PIK3R3: variants seen among roughly 807,000 people sequenced by gnomAD.
PIK3R3 encodes the protein phosphoinositide-3-kinase regulatory subunit 3.
In PIK3R3, 64 loss-of-function variants were observed where a neutral mutation model predicts 62.9. That is an observed-to-expected ratio of 1.02 (90% CI 0.83 to 1.25). PIK3R3 has a LOEUF of 1.25. Ranked by LOEUF, PIK3R3 falls within the 50% of genes most tolerant of loss-of-function variation. PIK3R3 has a pLI of 0.00. For synonymous variants in PIK3R3, 165 were observed against 189.0 expected, an observed-to-expected ratio of 0.87 and a Z score of 1.04; for missense variants, 614 against 561.6, an observed-to-expected ratio of 1.09 and a Z score of -0.94.
Position 46,042,109 on chromosome 1 carries a change from TC to T in PIK3R3, c.*1563del, listed in dbSNP as rs1237574068. On this transcript the variant is annotated 3_prime_UTR_variant, in exon 10 of 10. Coordinates refer to ENST00000262741, the MANE Select transcript of PIK3R3 (RefSeq NM_003629.4). This position sits in a 1 kb window ranked among gnomAD's most constrained non-coding sequence, Gnocchi z 4.3. ...CTGACTCACTCTGAGCCTATTATGG[TC>T]CCAGGATTGGCTCAGAGGCAGCTGG... 5 of 221,376 alleles carry T rather than the reference TC, an allele frequency of 2.3e-5. No homozygotes were observed. The highest frequency in any genetic ancestry group is 1.7e-4 in the Admixed American group (3 of 17,332). The allele number at this position is 221,376 out of a possible 1,614,324, so 13.7% of individuals were successfully genotyped here.
At chr1:46,132,855 C>T, upstream of PIK3R3, 1 of 1,204,220 alleles carries the variant, frequency 8.3e-7, no homozygotes, top group South Asian at 1.5e-5. Flanking sequence ...GTCTCCCCAC[C>T]GCTCTCTAGG....
At chr1:46,128,694 G>T (rs758719208) in intron 1 of PIK3R3, among the ~76,000 whole-genome samples, 2 of 152,212 alleles carry the variant, frequency 1.3e-5, no homozygotes, top group Non-Finnish European at 2.9e-5. Flanking sequence ...AGCAGCTCAT[G>T]ACCAGGTGGG....
chr1:46,148,056 AT>A, the PIK3R3 span, among the ~76,000 whole-genome samples: 2 of 152,212 alleles, frequency 1.3e-5, no homozygotes, highest in African/African-American at 4.8e-5. Flanking sequence ...AACATTATGA[AT>A]GCTTCTAATT....
At chr1:46,129,937 C>CT (rs1655430817) in intron 1 of PIK3R3, among the ~76,000 whole-genome samples, 1 of 152,146 alleles carries the variant, frequency 6.6e-6, no homozygotes, top group African/African-American at 2.4e-5. Flanking sequence ...ACATTTTAAA[C>CT]TCAAATGTTT....
chr1:46,160,675 A>G, the PIK3R3 span, among the ~76,000 whole-genome samples: 1 of 152,254 alleles, frequency 6.6e-6, no homozygotes, highest in South Asian at 2.1e-4. Flanking sequence ...TCAGTCCTCT[A>G]TCCTTAATCC....
chr1:46,092,137 A>T (rs1219800743), intron 1 of PIK3R3, among the ~76,000 whole-genome samples: 2 of 152,246 alleles, frequency 1.3e-5, no homozygotes, highest in East Asian at 3.8e-4. Context: ...ACCAAAGAGT[A>T]TAAACTTTAC....
At chr1:46,132,835 C>A, upstream of PIK3R3, 5 of 1,213,404 alleles carry the variant, frequency 4.1e-6, no homozygotes, top group South Asian at 7.2e-5. Context: ...CTCTCCATCT[C>A]GACTTTCACG....
At position 46,062,383 on chromosome 1, in the gene PIK3R3, T is replaced by A. The variant is rs778238288; in HGVS notation, c.622-312A>T. Among the ~76,000 whole-genome samples, 42 of 151,956 alleles carry A rather than the reference T, an allele frequency of 2.8e-4. 1 individual carries two copies. In the Middle Eastern group the frequency reaches 0.034, roughly 123 times the overall value. ...TTGAGGTCAGGAGTTCAAGACAGCCTGGCCAACATGGCAAAACCCCGTCTC... is the reference window on the plus strand; with the variant it reads ...TTGAGGTCAGGAGTTCAAGACAGCCAGGCCAACATGGCAAAACCCCGTCTC... On this transcript the variant is annotated intron_variant, in intron 5 of 9. Coordinates refer to ENST00000262741, the MANE Select transcript of PIK3R3 (RefSeq NM_003629.4).
intron 1 of PIK3R3, among the ~76,000 whole-genome samples, chr1:46,088,486 T>C (rs1651302796): frequency 6.6e-6 from 1 of 152,010 alleles, no homozygotes; most frequent in South Asian, 2.1e-4. Context: ...ACAAGATCTA[T>C]ATCAAAGTAA....
Position 46,042,426 on chromosome 1 carries a change from TGTATGGAA to T in PIK3R3, c.*1239_*1246del, listed in dbSNP as rs1647013778. On this transcript the variant is annotated 3_prime_UTR_variant, in exon 10 of 10. Transcript: ENST00000262741. The surrounding 1 kb of genome is among the most constrained non-coding windows in gnomAD (Gnocchi z 4.3). Reference sequence around the variant, plus strand: ...TCCCTGCAAAAGCTTCAGAAACCACTGTATGGAAGCACATGTGTAATGTGGTGTGACTC... The same window carrying T: ...TCCCTGCAAAAGCTTCAGAAACCACTGCACATGTGTAATGTGGTGTGACTC... The T allele has an allele frequency of 4.4e-6, 1 of 226,984 alleles. No individual in the cohort carries two copies. Among genetic ancestry groups the T allele is most frequent in the African/African-American group, 2.2e-5 (1 of 44,948 alleles). 14.1% of individuals were successfully genotyped at this position (226,984 alleles called of 1,614,324 possible).
At position 46,132,501 on chromosome 1, in the gene PIK3R3, G is replaced by C; in HGVS notation, c.-549C>G. ...CTCGGGCTCCTCTCCGGTCGGTCTCGGAACCGAAGCTGCCGCAGCCTCGGG... is the reference window on the plus strand; with the variant it reads ...CTCGGGCTCCTCTCCGGTCGGTCTCCGAACCGAAGCTGCCGCAGCCTCGGG... On this transcript the variant is annotated 5_prime_UTR_variant, in exon 1 of 10. Coordinates refer to ENST00000262741, the MANE Select transcript of PIK3R3 (RefSeq NM_003629.4). 1 of 1,225,270 alleles carries C rather than the reference G, an allele frequency of 8.2e-7. No individual in the cohort carries two copies. 75.9% of individuals were successfully genotyped at this position (1,225,270 alleles called of 1,614,324 possible). A position where few individuals can be genotyped will look rare whatever the true frequency, so the allele number is the denominator to read the frequency against.
Position 46,040,392 on chromosome 1 carries a change from A to G in PIK3R3, c.*3281T>C, listed in dbSNP as rs1473517272. On this transcript the variant is annotated 3_prime_UTR_variant, in exon 10 of 10. Transcript: ENST00000262741. Reference sequence around the variant, plus strand: ...GCTTTCTTGTGAGTCAGATATTTTTACGTAAACTACACGAATTTTCTTGGA... The same window carrying G: ...GCTTTCTTGTGAGTCAGATATTTTTGCGTAAACTACACGAATTTTCTTGGA... The G allele has an allele frequency of 4.3e-6, 1 of 231,152 alleles. No homozygotes were observed. The highest frequency in any genetic ancestry group is 2.2e-5 in the African/African-American group (1 of 45,212). 14.3% of individuals were successfully genotyped at this position (231,152 alleles called of 1,614,324 possible).
Position 46,046,092 on chromosome 1 carries a change from A to C in PIK3R3, c.1017-4T>G, listed in dbSNP as rs908660920. On this transcript the variant is annotated splice_region_variant and splice_polypyrimidine_tract_variant and intron_variant, in intron 8 of 9. Transcript: ENST00000262741. ...TTCCTCATTGATAAAATAGTTCCTA[A>C]AAATTAAATATTAGTATATTATTCT... The C allele has an allele frequency of 6.6e-7, 1 of 1,509,196 alleles. No individual in the cohort carries two copies. The highest frequency in any genetic ancestry group is 9.1e-7 in the Non-Finnish European group (1 of 1,093,652). The allele number at this position is 1,509,196 out of a possible 1,614,324, so 93.5% of individuals were successfully genotyped here.
rs1481923278 is a variant in PIK3R3, at chr1:46,077,555, C to T, written c.274G>A (p.Ala92Thr). The T allele has an allele frequency of 6.2e-7, 1 of 1,612,502 alleles. No individual in the cohort carries two copies. Among genetic ancestry groups the T allele is most frequent in the Non-Finnish European group, 8.5e-7 (1 of 1,178,768 alleles). The change falls in exon 3 of 10, where the codon GCC becomes ACC. Residue 92 changes from alanine (A) to threonine (T), a missense_variant. Transcript: ENST00000262741. ...MPDGTFLVRD[A>T]STKMQGDYTL... ...TAATCTCCCTGCATTTTTGTTGAGG[C>T]ATCTCGGACCAAGAAGGTCCCATCT...
chr1:46,068,961 C>G, intron 3 of PIK3R3, among the ~76,000 whole-genome samples: 1 of 152,056 alleles, frequency 6.6e-6, no homozygotes, highest in East Asian at 1.9e-4. Context: ...AAGGAGGCAG[C>G]AGTAGAAGTG....
chr1:46,058,271 C>T (rs1000159854), intron 6 of PIK3R3, among the ~76,000 whole-genome samples: 1 of 152,240 alleles, frequency 6.6e-6, no homozygotes, highest in African/African-American at 2.4e-5. Flanking sequence ...CAGAAGTTTG[C>T]TGCAGGGGCG....
intron 1 of PIK3R3, among the ~76,000 whole-genome samples, chr1:46,129,686 T>C (rs1265400020): frequency 6.6e-6 from 1 of 152,170 alleles, no homozygotes; most frequent in East Asian, 1.9e-4. Flanking sequence ...CAGTTTTAAA[T>C]GTTTTGAAAA....
At chr1:46,083,004 G>A (rs1289441252) in intron 1 of PIK3R3, among the ~76,000 whole-genome samples, 3 of 152,136 alleles carry the variant, frequency 2.0e-5, no homozygotes, top group East Asian at 1.9e-4. Context: ...GCTAGAACCC[G>A]GGAGGCAGAG....
the PIK3R3 span, among the ~76,000 whole-genome samples, chr1:46,160,910 A>G: frequency 2.3e-4 from 35 of 152,318 alleles, no homozygotes; most frequent in African/African-American, 8.2e-4. Context: ...CGTAACCAAA[A>G]GGAGGAGAGA....
Sources: gnomAD v4.1 joint callset for allele counts (sites outside exome capture counted in the v4.1 genomes callset) on GRCh38, gnomAD v4.1.1 for gene constraint, Gnocchi (gnomAD v3.1) non-coding constraint, MANE v1.5 for transcripts, NCBI Gene and HGNC (gene_info 2026-07-23, HGNC 2026-07-21) for gene names.